Variants in PDIA6 observed in about 807,000 individuals in gnomAD.
PDIA6 encodes the protein protein disulfide-isomerase A6.
PDIA6 carries 29 observed loss-of-function variants against 58.4 expected under a neutral mutation model. The observed-to-expected ratio is 0.50, with a 90% confidence interval of 0.37 to 0.68. PDIA6 has a LOEUF of 0.68. Ranked by LOEUF, PDIA6 falls within the 30% of genes least tolerant of loss-of-function variation. The pLI is 0.00. For missense variants in PDIA6, 480 were observed against 551.0 expected, an observed-to-expected ratio of 0.87 and a Z score of 1.29; for synonymous variants, 192 against 202.6, an observed-to-expected ratio of 0.95 and a Z score of 0.44.
chr2:10,784,181 G>T lies in PDIA6; in HGVS notation c.*77C>A. 1.8e-6 allele frequency: 2 copies of T among 1,095,696 alleles called. No homozygotes were observed. Among genetic ancestry groups the T allele is most frequent in the South Asian group, 1.4e-5 (1 of 70,260 alleles). The allele number at this position is 1,095,696 out of a possible 1,614,324, so 67.9% of individuals were successfully genotyped here. A position where few individuals can be genotyped will look rare whatever the true frequency, so the allele number is the denominator to read the frequency against. On this transcript the variant is annotated 3_prime_UTR_variant, in exon 13 of 13. Coordinates refer to ENST00000272227, the MANE Select transcript of PDIA6 (RefSeq NM_005742.4). ...CCACTGGTAGAGTCATCTGAGTGTAGAGAATGTCCCTTCACTGCTGGAAAA... is the reference window on the plus strand; with the variant it reads ...CCACTGGTAGAGTCATCTGAGTGTATAGAATGTCCCTTCACTGCTGGAAAA...
rs368520371 is a variant in PDIA6, at chr2:10,818,615, G to T, written c.34+659C>A. Among the ~76,000 whole-genome samples the T allele has an allele frequency of 3.0e-3, 452 of 151,820 alleles. 2 individuals carry two copies. Among genetic ancestry groups the T allele is most frequent in the African/African-American group, 9.8e-3 (405 of 41,342 alleles). On this transcript the variant is annotated intron_variant, in intron 2 of 13. Coordinates refer to the PDIA6 transcript ENST00000381611. ...CGACTCACTACAACCTCTGCCTCTG[G>T]GTTCAAGCGATTCTCCTTCCTCAGC... is the stretch of plus-strand genomic sequence containing the variant.
At chr2:10,801,982 T>A (rs146322865) in intron 2 of PDIA6, among the ~76,000 whole-genome samples, 1 of 152,330 alleles carries the variant, frequency 6.6e-6, no homozygotes, top group East Asian at 1.9e-4. Context: ...CTCATATACA[T>A]CTTGCACAGT....
exon 1 of PDIA6, chr2:10,832,402 C>CA (rs1477635944): frequency 4.1e-6 from 4 of 985,286 alleles, no homozygotes; most frequent in Non-Finnish European, 4.8e-6. Context: ...CTACGCCTCA[C>CA]AAACACCACC....
chr2:10,802,276 C>T (rs955674148), intron 2 of PDIA6, among the ~76,000 whole-genome samples: 3 of 152,074 alleles, frequency 2.0e-5, no homozygotes, highest in Non-Finnish European at 4.4e-5. Flanking sequence ...AGATTCCTTC[C>T]TCATAAAAGC....
intron 1 of PDIA6, among the ~76,000 whole-genome samples, chr2:10,829,890 G>A (rs1010732956): frequency 7.9e-5 from 12 of 152,140 alleles, no homozygotes; most frequent in Non-Finnish European, 1.0e-4. Context: ...CAGCTTCTCC[G>A]TGGCGGCACT....
chr2:10,832,016 CAAAAAAAA>C (rs59417410), intron 1 of PDIA6, among the ~76,000 whole-genome samples: 5 of 81,358 alleles, frequency 6.1e-5, no homozygotes, highest in Admixed American at 3.3e-4. Flanking sequence ...GACCCTGTCT[CAAAAAAAA>C]AAAAAAAAAA....
chr2:10,809,645 C>CAAAAAAAAAAAAAAA (rs56308831), intron 1 of PDIA6, among the ~76,000 whole-genome samples: 2 of 64,662 alleles, frequency 3.1e-5, no homozygotes, highest in African/African-American at 5.2e-5. Flanking sequence ...GACCCGGTCT[C>CAAAAAAAAAAAAAAA]AAAAAAAAAA....
intron 1 of PDIA6, among the ~76,000 whole-genome samples, chr2:10,819,916 C>G (rs1342026416): frequency 6.6e-6 from 1 of 152,238 alleles, no homozygotes; most frequent in Non-Finnish European, 1.5e-5. Context: ...AAGCCCGCCT[C>G]TGCTGGTCTG....
upstream of PDIA6, among the ~76,000 whole-genome samples, chr2:10,833,288 G>C (rs776397437): frequency 7.9e-5 from 12 of 152,202 alleles, no homozygotes; most frequent in South Asian, 4.2e-4. Context: ...TTCCCTGTCC[G>C]GTCCCTCTCC....
upstream of PDIA6, among the ~76,000 whole-genome samples, chr2:10,813,422 G>A (rs1183176801): frequency 6.6e-6 from 1 of 152,214 alleles, no homozygotes; most frequent in Non-Finnish European, 1.5e-5. Flanking sequence ...TTTGTCCTGG[G>A]GGGCGAGGGG....
At chr2:10,834,733 T>TCACTC (rs1667791447), upstream of PDIA6, among the ~76,000 whole-genome samples, 1 of 9,012 alleles carries the variant, frequency 1.1e-4, no homozygotes, top group African/African-American at 4.1e-4. Context: ...CTTCCTTCCC[T>TCACTC]CCTTCCTTCC....
At chr2:10,828,538 G>T (rs1212760391) in intron 1 of PDIA6, among the ~76,000 whole-genome samples, 3 of 152,132 alleles carry the variant, frequency 2.0e-5, no homozygotes, top group Non-Finnish European at 4.4e-5. Flanking sequence ...GCACCACCAG[G>T]GCCCAGGGCA....
intron 4 of PDIA6, 68 bp from the exon 5 acceptor site, chr2:10,793,270 A>T: frequency 9.6e-7 from 1 of 1,036,316 alleles, no homozygotes; most frequent in Non-Finnish European, 1.5e-6. Context: ...GGCCCGGCCC[A>T]AGACTGTGTC....
chr2:10,818,735 C>G (rs1302173889), intron 2 of PDIA6, among the ~76,000 whole-genome samples: 1 of 151,258 alleles, frequency 6.6e-6, no homozygotes. Flanking sequence ...GTTGGTCAGG[C>G]TGGTCTCAAA....
chr2:10,788,915 G>A lies in PDIA6; in HGVS notation c.907C>T (p.Pro303Ser). 1 of 1,613,598 alleles carries A rather than the reference G, an allele frequency of 6.2e-7. No individual in the cohort carries two copies. Among genetic ancestry groups the A allele is most frequent in the Non-Finnish European group, 8.5e-7 (1 of 1,179,478 alleles). ...EHQLCVVAVL[P>S]HILDTGAAGR... The stretch of plus-strand genomic sequence containing the variant: ...GTCTTACCAGTATCAAGGATATGGG[G>A]CAGCACAGCCACAACACAGAGCTGG... Residue 303 changes from proline to serine, a missense_variant, in exon 9 of 13, where the codon CCC becomes TCC. Transcript: ENST00000272227.
upstream of PDIA6, among the ~76,000 whole-genome samples, chr2:10,835,341 C>T (rs988049066): frequency 6.6e-6 from 1 of 152,086 alleles, no homozygotes; most frequent in Non-Finnish European, 1.5e-5. Context: ...AGTCGGGCTC[C>T]GGAGCCCGCC....
chr2:10,832,703 C>T (rs1391530701), upstream of PDIA6, among the ~76,000 whole-genome samples: 3 of 152,174 alleles, frequency 2.0e-5, no homozygotes, highest in African/African-American at 7.2e-5. Context: ...CTGCAGTCAG[C>T]ATCTCCCGCC....
At chr2:10,822,805 G>A (rs1183591805) in intron 1 of PDIA6, among the ~76,000 whole-genome samples, 1 of 152,250 alleles carries the variant, frequency 6.6e-6, no homozygotes, top group Non-Finnish European at 1.5e-5. Flanking sequence ...CACTCCAAAA[G>A]TGAGGTCTGA....
At chr2:10,828,316 G>C (rs111429694) in intron 1 of PDIA6, among the ~76,000 whole-genome samples, 2,644 of 152,280 alleles carry the variant, frequency 0.017, 91 homozygotes, top group African/African-American at 0.061. Flanking sequence ...CAATTAAAAT[G>C]TATCAGAAAT....
Sources: allele counts gnomAD v4.1 joint callset (sites outside exome capture counted in the v4.1 genomes callset), GRCh38; gene constraint gnomAD v4.1.1; transcripts MANE v1.5; gene names NCBI Gene and HGNC (gene_info 2026-07-23, HGNC 2026-07-21).